The following MOV10L1 variants were observed in gnomAD, a reference collection of about 807,000 sequenced individuals.
MOV10L1 encodes RNA helicase Mov10l1.
Under a neutral mutation model 143.8 loss-of-function variants are expected in MOV10L1, and 110 were observed. That is an observed-to-expected ratio of 0.76 (90% CI 0.66 to 0.90). The LOEUF is 0.90. MOV10L1 is among the 40% of genes least tolerant of loss of function. The pLI, the probability that MOV10L1 is intolerant of heterozygous loss-of-function variation, is 0.00. For synonymous variants in MOV10L1, 593 were observed against 581.1 expected, an observed-to-expected ratio of 1.02 and a Z score of -0.29; for missense variants, 1,406 against 1,526.8, an observed-to-expected ratio of 0.92 and a Z score of 1.32.
At chr22:50,134,795 G>A (rs913334976) in intron 15 of MOV10L1, among the ~76,000 whole-genome samples, 165 bp downstream of exon 15, 2 of 152,158 alleles carry the variant, frequency 1.3e-5, no homozygotes, top group Non-Finnish European at 2.9e-5. Flanking sequence ...GAGTATTAGC[G>A]CTTAGTTGAC....
intron 12 of MOV10L1, 60 bp from the exon 13 acceptor site, chr22:50,128,356 G>A (rs898939169): frequency 2.4e-5 from 23 of 947,632 alleles, no homozygotes; most frequent in Non-Finnish European, 3.3e-5. Flanking sequence ...ATGATGTGTC[G>A]CTAGATAAAG....
rs184709444 is a variant in MOV10L1, at chr22:50,123,570, G to A, written c.1570-1822G>A. On this transcript the variant is annotated intron_variant, in intron 10 of 26. Coordinates refer to ENST00000262794, the MANE Select transcript of MOV10L1 (RefSeq NM_018995.3). ...CTGCTGAATTTTGTGTGCTAGTATC[G>A]TGTTGAGGATTTTTTCATCAGTGTT... 3.6e-3 allele frequency among the ~76,000 whole-genome samples: 543 copies of A among 152,302 alleles called. 4 individuals carry two copies. The highest frequency in any genetic ancestry group is 0.012 in the Admixed American group (179 of 15,288).
At chr22:50,128,824 TG>T (rs2062589883) in intron 13 of MOV10L1, among the ~76,000 whole-genome samples, 1 of 151,044 alleles carries the variant, frequency 6.6e-6, no homozygotes, top group African/African-American at 2.4e-5. Flanking sequence ...ATTACAGGCG[TG>T]AGTCACCACG....
chr22:50,148,750 G>A (rs1001220823), intron 19 of MOV10L1, among the ~76,000 whole-genome samples: 3 of 150,284 alleles, frequency 2.0e-5, no homozygotes, highest in African/African-American at 7.4e-5. Flanking sequence ...TGCAAGCTCC[G>A]CCTCCCAGGT....
intron 10 of MOV10L1, 26 bp downstream of exon 10, chr22:50,120,642 G>C (rs765868357): frequency 6.7e-7 from 1 of 1,491,308 alleles, no homozygotes; most frequent in Admixed American, 1.7e-5. Context: ...TGGCCTGTGG[G>C]GTGTTGGCAT....
intron 15 of MOV10L1, among the ~76,000 whole-genome samples, chr22:50,135,113 A>G (rs1400460120): frequency 2.0e-5 from 3 of 151,522 alleles, no homozygotes; most frequent in Admixed American, 1.3e-4. Flanking sequence ...TCCCAGATTC[A>G]AGTGATTCTC....
At chr22:50,133,054 C>A (rs1290191708) in intron 13 of MOV10L1, among the ~76,000 whole-genome samples, 2 of 148,206 alleles carry the variant, frequency 1.3e-5, no homozygotes, top group African/African-American at 4.9e-5. Flanking sequence ...AAACCAAAGA[C>A]AGTTTTACTT....
At chr22:50,142,253 T>G in intron 16 of MOV10L1, 64 bp downstream of exon 16, 1 of 1,360,690 alleles carries the variant, frequency 7.3e-7, no homozygotes, top group Non-Finnish European at 1.0e-6. Flanking sequence ...AAACGGGGAC[T>G]TTGAGGAGTG....
At chr22:50,110,679 C>G (rs570854243) in intron 5 of MOV10L1, among the ~76,000 whole-genome samples, 9 of 152,110 alleles carry the variant, frequency 5.9e-5, no homozygotes, top group African/African-American at 2.2e-4. Context: ...GCCTGTAATC[C>G]TAGGACTTTG....
Position 50,126,280 on chromosome 22 carries a change from C to T in MOV10L1, c.1818+8C>T, listed in dbSNP as rs2062503148. 6.2e-7 allele frequency: 1 copy of T among 1,603,482 alleles called. No homozygotes were observed. The highest frequency in any genetic ancestry group is 2.2e-5 in the East Asian group (1 of 44,796). ...ATCAGCTACGTGACTGAGGTGAGAG[C>T]ACTCTCTCTTAATGAGTTTGTGTTA... On this transcript the variant is annotated splice_region_variant and intron_variant, in intron 12 of 26. Transcript: ENST00000262794.
chr22:50,153,957 T>C, intron 22 of MOV10L1, among the ~76,000 whole-genome samples: 1 of 152,220 alleles, frequency 6.6e-6, no homozygotes, highest in Admixed American at 6.5e-5. Flanking sequence ...GGGTCCAGGT[T>C]ACACCATTTG....
rs371909684 is a variant in MOV10L1, at chr22:50,134,595, G to A, written c.2035G>A (p.Asp679Asn). Residue 679 changes from aspartate (D) to asparagine (N), a missense_variant, in exon 15 of 27, where the codon GAC becomes AAC. Around this residue, in one of 3 missense-constraint regions of MOV10L1, gnomAD observed 1,233 missense variants for 1,351.4 expected, o/e 0.91. Transcript: ENST00000262794. Reference sequence around the variant, plus strand: ...GACGGGAAATTGGAACCATGCACAAGACACCAAAAGCAGTGGACAGTCCAC... The same window carrying A: ...GACGGGAAATTGGAACCATGCACAAAACACCAAAAGCAGTGGACAGTCCAC... ...QVTGNWNHAQ[D>N]TKSSGQSTSK... 43 of 1,614,028 alleles carry A rather than the reference G, an allele frequency of 2.7e-5. No individual in the cohort carries two copies. Among genetic ancestry groups the A allele is most frequent in the Non-Finnish European group, 3.6e-5 (43 of 1,180,030 alleles).
In MOV10L1 at chr22:50,090,194, C is replaced by CGGGAGGCGGCT; in HGVS notation, c.97+19_97+29dup. On this transcript the variant is annotated intron_variant, in intron 1 of 26. Coordinates refer to ENST00000262794, the MANE Select transcript of MOV10L1 (RefSeq NM_018995.3). ...GCCCGAGCTCGCGGAAGGTGGCTCG[C>CGGGAGGCGGCT]GGGAGGCGGCTGGGAGGCGGGTCCC... 7.1e-7 allele frequency: 1 copy of CGGGAGGCGGCT among 1,413,786 alleles called. No homozygotes were observed. The highest frequency in any genetic ancestry group is 1.6e-5 in the South Asian group (1 of 63,004). 87.6% of individuals were successfully genotyped at this position (1,413,786 alleles called of 1,614,324 possible).
chr22:50,138,851 G>A lies in MOV10L1; in HGVS notation c.2071-3230G>A, dbSNP rs140834478. On this transcript the variant is annotated intron_variant, in intron 15 of 26. Coordinates refer to ENST00000262794, the MANE Select transcript of MOV10L1 (RefSeq NM_018995.3). ...CCTGAGTAGCTGGGATTATAGGTGC[G>A]TGCCACCACACCCTGCTAATTTTTG... is the stretch of plus-strand genomic sequence containing the variant. 2.7e-3 allele frequency among the ~76,000 whole-genome samples: 418 copies of A among 152,052 alleles called. 2 individuals carry two copies. Among genetic ancestry groups the A allele is most frequent in the Middle Eastern group, 0.01 (3 of 294 alleles).
intron 19 of MOV10L1, among the ~76,000 whole-genome samples, chr22:50,146,629 C>G (rs2063159453): frequency 6.6e-6 from 1 of 151,880 alleles, no homozygotes; most frequent in African/African-American, 2.4e-5. Context: ...GAACAGTGTC[C>G]AGCGTCACAG....
chr22:50,107,464 C>T (rs575101302), intron 3 of MOV10L1, among the ~76,000 whole-genome samples: 3 of 152,276 alleles, frequency 2.0e-5, no homozygotes, highest in South Asian at 4.1e-4. Context: ...TTTCTGGAGA[C>T]ACAAACTCAG....
At chr22:50,091,865 A>C (rs571686503) in intron 1 of MOV10L1, 136 bp from the exon 2 acceptor site, 5 of 753,614 alleles carry the variant, frequency 6.6e-6, no homozygotes. Flanking sequence ...CTCTGTCTCA[A>C]GTCAGCCCGT....
chr22:50,144,025 G>A, intron 17 of MOV10L1, 72 bp from the exon 18 acceptor site: 1 of 1,555,376 alleles, frequency 6.4e-7, no homozygotes. Flanking sequence ...TGTGTGTGTT[G>A]AGGTTAGACT....
chr22:50,116,469 G>A (rs866453370), intron 8 of MOV10L1, among the ~76,000 whole-genome samples: 3 of 151,658 alleles, frequency 2.0e-5, no homozygotes, highest in South Asian at 2.1e-4. Context: ...AAAGCCATAG[G>A]GGGGCACAAA....
Sources: gnomAD v4.1 joint callset for allele counts (sites outside exome capture counted in the v4.1 genomes callset) on GRCh38, gnomAD v4.1.1 for gene constraint, gnomAD v4.1.1 regional missense constraint, MANE v1.5 for transcripts, NCBI Gene and HGNC (gene_info 2026-07-23, HGNC 2026-07-21) for gene names.